Variants in ANK2 observed in about 807,000 individuals in gnomAD.
ANK2 encodes ankyrin-2.
ANK2 carries 83 observed loss-of-function variants against 360.5 expected under a neutral mutation model. That is an observed-to-expected ratio of 0.23 (90% confidence interval 0.19 to 0.28). The LOEUF is 0.28. ANK2 is among the 10% of genes least tolerant of loss of function. ANK2 has a pLI of 1.00. For missense variants in ANK2, 4,201 were observed against 4,795.7 expected (o/e 0.88, Z 3.66); for synonymous variants, 1,740 against 1,759.5 (o/e 0.99, Z 0.28).
chr4:112,842,288 G>A (rs944725099), intron 1 of ANK2, among the ~76,000 whole-genome samples: 2 of 152,194 alleles, frequency 1.3e-5, no homozygotes, highest in African/African-American at 4.8e-5. Context: ...GGGATTACAG[G>A]CGTGAGCTAC....
At chr4:112,986,204 T>C (rs192017706) in intron 2 of ANK2, among the ~76,000 whole-genome samples, 75 of 151,886 alleles carry the variant, frequency 4.9e-4, no homozygotes, top group Admixed American at 1.1e-3. Context: ...TTGAGCTGTG[T>C]GATAAATTAT....
At chr4:113,370,368 G>A (rs2096686335) in intron 43 of ANK2, among the ~76,000 whole-genome samples, 1 of 151,964 alleles carries the variant, frequency 6.6e-6, no homozygotes, top group Non-Finnish European at 1.5e-5. Context: ...TAAATTAAAT[G>A]TCCAAATGCC....
intron 14 of ANK2, among the ~76,000 whole-genome samples, chr4:113,265,247 G>A (rs1299763289): frequency 2.6e-5 from 4 of 151,912 alleles, no homozygotes; most frequent in Admixed American, 2.0e-4. Flanking sequence ...GAAATACATC[G>A]ACTGATATTT....
chr4:112,811,540 A>G, the ANK2 span, among the ~76,000 whole-genome samples: 4 of 152,178 alleles, frequency 2.6e-5, no homozygotes, highest in African/African-American at 9.7e-5. Context: ...TCTCTCTATT[A>G]TAAAGTTACG....
chr4:113,280,605 G>T (rs2061922735), intron 17 of ANK2, among the ~76,000 whole-genome samples: 1 of 152,130 alleles, frequency 6.6e-6, no homozygotes, highest in African/African-American at 2.4e-5. Flanking sequence ...AATACACACG[G>T]TCCTTTGGCC....
chr4:113,121,843 A>G (rs896933742), intron 1 of ANK2, among the ~76,000 whole-genome samples: 12 of 147,664 alleles, frequency 8.1e-5, no homozygotes, highest in African/African-American at 2.5e-4. Context: ...TATTTCTAGG[A>G]TAGGCTTTGG....
At chr4:112,921,969 G>A (rs1370684711) in intron 2 of ANK2, among the ~76,000 whole-genome samples, 2 of 152,126 alleles carry the variant, frequency 1.3e-5, no homozygotes, top group Non-Finnish European at 2.9e-5. Flanking sequence ...TTATGGCCTC[G>A]AACAACTGAC....
At chr4:113,340,937 C>T (rs969598232) in intron 32 of ANK2, among the ~76,000 whole-genome samples, 36 of 151,940 alleles carry the variant, frequency 2.4e-4, no homozygotes, top group African/African-American at 8.0e-4. Flanking sequence ...CTAATGACCT[C>T]GACTTTCTTT....
chr4:112,901,573 G>A (rs549566234), intron 1 of ANK2, among the ~76,000 whole-genome samples: 4 of 152,182 alleles, frequency 2.6e-5, no homozygotes, highest in African/African-American at 7.2e-5. Context: ...TGCCTTAAAA[G>A]AAGAAAAAGC....
intron 3 of ANK2, among the ~76,000 whole-genome samples, chr4:113,198,446 T>C (rs2098781893): frequency 6.6e-6 from 1 of 152,272 alleles, no homozygotes; most frequent in Admixed American, 6.5e-5. Flanking sequence ...GGTGTTAGTG[T>C]TGTGGCTGGT....
At chr4:112,874,229 C>T (rs538361775) in intron 1 of ANK2, among the ~76,000 whole-genome samples, 7 of 149,210 alleles carry the variant, frequency 4.7e-5, no homozygotes, top group African/African-American at 1.5e-4. Flanking sequence ...TTACAGGCGC[C>T]TGCCACCATG....
At chr4:113,170,489 G>A (rs546171222) in intron 1 of ANK2, among the ~76,000 whole-genome samples, 6 of 152,228 alleles carry the variant, frequency 3.9e-5, no homozygotes, top group Non-Finnish European at 7.4e-5. Context: ...GACATATACC[G>A]AAGTTATATG....
chr4:113,016,570 G>C (rs541192211), intron 2 of ANK2, among the ~76,000 whole-genome samples: 75 of 152,230 alleles, frequency 4.9e-4, no homozygotes, highest in African/African-American at 1.8e-3. Flanking sequence ...GGGCTAAAAA[G>C]CTGATGAAGG....
Position 113,330,345 on chromosome 4 carries a change from T to A in ANK2, c.3000T>A (p.Ala1000=). 1 of 1,614,216 alleles carries A rather than the reference T, an allele frequency of 6.2e-7. No individual in the cohort carries two copies. The highest frequency in any genetic ancestry group is 8.5e-7 in the Non-Finnish European group (1 of 1,180,038). Residue 1000 remains alanine, a synonymous_variant, in exon 27 of 46, where the codon GCT becomes GCA. Transcript: ENST00000357077. ...RIIIPPRKCT[A]PTRVTCRLVK... The stretch of plus-strand genomic sequence containing the variant: ...TTATTCCACCTCGGAAATGTACTGC[T>A]CCAACGCGAGTCACCTGCCGACTGG...
intron 1 of ANK2, among the ~76,000 whole-genome samples, chr4:112,876,193 A>G (rs1011227354): frequency 6.6e-6 from 1 of 152,172 alleles, no homozygotes; most frequent in African/African-American, 2.4e-5. Flanking sequence ...AAAGTCAAAC[A>G]TATATTCTGA....
At chr4:112,770,450 AATC>A in the ANK2 span, among the ~76,000 whole-genome samples, 1 of 152,220 alleles carries the variant, frequency 6.6e-6, no homozygotes, top group Non-Finnish European at 1.5e-5. Flanking sequence ...ACCTGCCTCT[AATC>A]CCAGCACTTT....
the ANK2 span, among the ~76,000 whole-genome samples, chr4:112,709,957 T>C: frequency 6.6e-6 from 1 of 152,188 alleles, no homozygotes; most frequent in East Asian, 1.9e-4. Context: ...TGGTGTCATA[T>C]CATTTATGGC....
intron 1 of ANK2, among the ~76,000 whole-genome samples, chr4:113,095,293 T>G (rs2090510049): frequency 6.6e-6 from 1 of 152,192 alleles, no homozygotes; most frequent in Admixed American, 6.5e-5. Context: ...GTGTTGATGC[T>G]TCAGAATATA....
chr4:112,716,570 G>A, the ANK2 span, among the ~76,000 whole-genome samples: 6 of 152,074 alleles, frequency 3.9e-5, no homozygotes, highest in Non-Finnish European at 7.4e-5. Flanking sequence ...AGTCTTTTTG[G>A]TAGAGATGGG....
Sources: allele counts gnomAD v4.1 joint callset (sites outside exome capture counted in the v4.1 genomes callset), GRCh38; gene constraint gnomAD v4.1.1; transcripts MANE v1.5; gene names NCBI Gene and HGNC (gene_info 2026-07-23, HGNC 2026-07-21).